The following KIF26B variants were observed in gnomAD, a reference collection of about 807,000 sequenced individuals.
The protein encoded by KIF26B is kinesin-like protein KIF26B.
A neutral mutation model predicts 151.2 loss-of-function variants in KIF26B; 63 were observed. The ratio of observed to expected loss-of-function variants is 0.42; its 90% CI spans 0.34 to 0.51. The LOEUF is 0.51. Ranked by LOEUF, KIF26B falls within the 20% of genes least tolerant of loss-of-function variation. The pLI is 0.07. For synonymous variants in KIF26B, 1,357 were observed against 1,262.1 expected, an observed-to-expected ratio of 1.08 and a Z score of -1.59; for missense variants, 2,813 against 2,913.6, an observed-to-expected ratio of 0.97 and a Z score of 0.79.
chr1:245,269,217 G>A (rs1573743780), intron 2 of KIF26B, among the ~76,000 whole-genome samples: 1 of 21,608 alleles, frequency 4.6e-5, no homozygotes, highest in Non-Finnish European at 8.8e-5. Context: ...CCCACCCAAC[G>A]GCCCCTCTCC....
intron 4 of KIF26B, among the ~76,000 whole-genome samples, chr1:245,529,520 T>C (rs1413217266): frequency 3.9e-5 from 6 of 152,200 alleles, no homozygotes; most frequent in Non-Finnish European, 5.9e-5. Flanking sequence ...AATAACAAAC[T>C]CTTGCTTTGT....
Position 245,702,368 on chromosome 1 carries a change from T to C in KIF26B, c.6179-90T>C. ...CTAGACCTTTAGACCAAGGGGTAGA[T>C]GTGGGGGTGGCAGCTCCAGGCTGAG... On this transcript the variant is annotated intron_variant, in intron 14 of 14. Coordinates refer to ENST00000407071, the MANE Select transcript of KIF26B (RefSeq NM_018012.4). This position sits in a 1 kb window ranked among gnomAD's most constrained non-coding sequence, Gnocchi z 4.1. 3 of 1,418,838 alleles carry C rather than the reference T, an allele frequency of 2.1e-6. No homozygotes were observed. Among genetic ancestry groups the C allele is most frequent in the South Asian group, 2.5e-5 (2 of 80,446 alleles). 87.9% of individuals were successfully genotyped at this position (1,418,838 alleles called of 1,614,324 possible). A position where few individuals can be genotyped will look rare whatever the true frequency, so the allele number is the denominator to read the frequency against.
At chr1:245,520,203 A>C (rs909273368) in intron 4 of KIF26B, among the ~76,000 whole-genome samples, 4 of 151,828 alleles carry the variant, frequency 2.6e-5, no homozygotes, top group African/African-American at 9.7e-5. Flanking sequence ...AATAGGAAAA[A>C]AAAAATAATC....
At chr1:245,305,951 AAAAAAAG>A (rs1671530538) in intron 2 of KIF26B, among the ~76,000 whole-genome samples, 9 of 151,546 alleles carry the variant, frequency 5.9e-5, no homozygotes, top group African/African-American at 1.9e-4. Flanking sequence ...AAAAAAAAAA[AAAAAAAG>A]AAAAGAAAAT....
At chr1:245,443,651 C>T (rs1282848397) in intron 4 of KIF26B, among the ~76,000 whole-genome samples, 1 of 104,648 alleles carries the variant, frequency 9.6e-6, no homozygotes, top group African/African-American at 3.1e-5. Flanking sequence ...ATCTCTCTCA[C>T]TGTTCACCTA....
At chr1:245,467,112 T>C (rs523744) in intron 4 of KIF26B, among the ~76,000 whole-genome samples, 124,018 of 152,140 alleles carry the variant, frequency 0.82, 50,793 homozygotes, top group African/African-American at 0.88. Context: ...CACTATAAGA[T>C]TGGAAGTCAG....
chr1:245,388,906 A>G (rs1673620223), intron 3 of KIF26B, among the ~76,000 whole-genome samples: 1 of 152,174 alleles, frequency 6.6e-6, no homozygotes, highest in Non-Finnish European at 1.5e-5. Context: ...GTCTCCTGTA[A>G]TTGACTCTGG....
Position 245,647,760 on chromosome 1 carries a change from C to G in KIF26B, c.2258+1480C>G, listed in dbSNP as rs1049182766. ...GCCCTATGTTGATGCCAGACCCCCC[C>G]ACCAAATACATTGTGAGTTTATTTC... On this transcript the variant is annotated intron_variant, in intron 10 of 14. Transcript: ENST00000407071. Among the ~76,000 whole-genome samples the G allele has an allele frequency of 2.6e-5, 4 of 152,288 alleles. No homozygotes were observed. In the East Asian group the frequency reaches 5.8e-4, roughly 22 times the overall value.
Position 245,358,746 on chromosome 1 carries a change from G to A in KIF26B, c.466-8088G>A. Among the ~76,000 whole-genome samples, 1 of 152,146 alleles carries A rather than the reference G, an allele frequency of 6.6e-6. No homozygotes were observed. The highest frequency in any genetic ancestry group is 1.9e-4 in the East Asian group (1 of 5,200). On this transcript the variant is annotated intron_variant, in intron 2 of 14. Coordinates refer to ENST00000407071, the MANE Select transcript of KIF26B (RefSeq NM_018012.4). This position sits in a 1 kb window ranked among gnomAD's most constrained non-coding sequence, Gnocchi z 4.1. ...TGTAAAAAATACATCAAGTCTAGAT[G>A]GGCTTCAGTCATTTGAAAGTAATAT... is the stretch of plus-strand genomic sequence containing the variant.
At chr1:245,305,936 C>CAAAAAAAA (rs55865379) in intron 2 of KIF26B, among the ~76,000 whole-genome samples, 14 of 86,686 alleles carry the variant, frequency 1.6e-4, no homozygotes, top group Admixed American at 2.9e-4. Flanking sequence ...GACGACTCCT[C>CAAAAAAAA]AAAAAAAAAA....
chr1:245,332,719 T>C (rs6692030), intron 2 of KIF26B, among the ~76,000 whole-genome samples: 39,092 of 152,124 alleles, frequency 0.26, 7,488 homozygotes, highest in African/African-American at 0.51. Flanking sequence ...CGAGGAGTGC[T>C]GGCTGGTTTG....
Position 245,541,197 on chromosome 1 carries a change from T to C in KIF26B, c.1350+247T>C, listed in dbSNP as rs537802438. Reference sequence around the variant, plus strand: ...GTGGGAAAAATCAGCTTTGCATTGTTTGACAGAATCGTAGCCATTTAAAGA... The same window carrying C: ...GTGGGAAAAATCAGCTTTGCATTGTCTGACAGAATCGTAGCCATTTAAAGA... On this transcript the variant is annotated intron_variant, in intron 5 of 14. Coordinates refer to ENST00000407071, the MANE Select transcript of KIF26B (RefSeq NM_018012.4). 3.3e-5 allele frequency among the ~76,000 whole-genome samples: 5 copies of C among 152,330 alleles called. No individual in the cohort carries two copies. In the South Asian group the frequency reaches 8.3e-4, roughly 25 times the overall value.
intron 4 of KIF26B, among the ~76,000 whole-genome samples, chr1:245,504,101 G>C (rs1190572164): frequency 5.3e-5 from 8 of 152,168 alleles, no homozygotes; most frequent in Admixed American, 1.3e-4. Flanking sequence ...TTCTGGAGTA[G>C]AGTGGGTGAG....
At chr1:245,172,231 C>G (rs1048269987) in intron 2 of KIF26B, among the ~76,000 whole-genome samples, 1 of 151,962 alleles carries the variant, frequency 6.6e-6, no homozygotes, top group Non-Finnish European at 1.5e-5. Flanking sequence ...GGGGTGGGTA[C>G]AGAAGCCACG....
At chr1:245,284,991 A>G (rs1671139928) in intron 2 of KIF26B, among the ~76,000 whole-genome samples, 1 of 152,252 alleles carries the variant, frequency 6.6e-6, no homozygotes, top group Non-Finnish European at 1.5e-5. Flanking sequence ...GTGAGCAGAG[A>G]TCGTGCCACT....
intron 4 of KIF26B, among the ~76,000 whole-genome samples, chr1:245,514,535 A>G (rs1006772542): frequency 2.6e-5 from 4 of 151,680 alleles, no homozygotes; most frequent in African/African-American, 7.3e-5. Context: ...CCATCTCAAA[A>G]ATAATAATAA....
intron 5 of KIF26B, among the ~76,000 whole-genome samples, chr1:245,578,064 A>G (rs1026015968): frequency 6.6e-6 from 1 of 152,228 alleles, no homozygotes; most frequent in Non-Finnish European, 1.5e-5. Context: ...AACTGCGGCA[A>G]TGAGTCCACT....
chr1:245,433,327 C>T (rs547899183), intron 4 of KIF26B, among the ~76,000 whole-genome samples: 3 of 151,340 alleles, frequency 2.0e-5, no homozygotes, highest in South Asian at 2.1e-4. Context: ...ATTAACAGGG[C>T]GTGGTGGTGG....
At chr1:245,212,303 A>T (rs1031571315) in intron 2 of KIF26B, among the ~76,000 whole-genome samples, 1 of 152,148 alleles carries the variant, frequency 6.6e-6, no homozygotes, top group African/African-American at 2.4e-5. Flanking sequence ...TGCTCATGAT[A>T]AAACAGGAAG....
Sources: gnomAD v4.1 joint callset for allele counts (sites outside exome capture counted in the v4.1 genomes callset) on GRCh38, gnomAD v4.1.1 for gene constraint, Gnocchi (gnomAD v3.1) non-coding constraint, MANE v1.5 for transcripts, NCBI Gene and HGNC (gene_info 2026-07-23, HGNC 2026-07-21) for gene names.